NCALD: variants seen among roughly 807,000 people sequenced by gnomAD.
The protein encoded by NCALD is neurocalcin-delta.
Under a neutral mutation model 18.6 loss-of-function variants are expected in NCALD, and 10 were observed. The ratio of observed to expected loss-of-function variants is 0.54; its 90% CI spans 0.33 to 0.91. NCALD has a LOEUF of 0.91. Ranked by LOEUF, NCALD falls within the 40% of genes least tolerant of loss-of-function variation. NCALD has a pLI of 0.03. For missense variants in NCALD, 184 were observed against 247.6 expected, an observed-to-expected ratio of 0.74 and a Z score of 1.72; for synonymous variants, 88 against 87.4, an observed-to-expected ratio of 1.01 and a Z score of -0.04.
chr8:101,778,282 A>G (rs1233735894), intron 1 of NCALD, among the ~76,000 whole-genome samples: 1 of 152,154 alleles, frequency 6.6e-6, no homozygotes, highest in Non-Finnish European at 1.5e-5. Context: ...AGTCACCTCT[A>G]CTAGTCAGCA....
In NCALD at chr8:101,988,825, A is replaced by G. The variant is rs1199995747; in HGVS notation, c.-157+31412T>C. The stretch of plus-strand genomic sequence containing the variant: ...CTATTTCCCCAGAGAGGTTCTGTAC[A>G]GCAAGAAGAGCCCTGTGGGTTGCAT... On this transcript the variant is annotated intron_variant, in intron 2 of 6. Coordinates refer to the NCALD transcript ENST00000311028. Among the ~76,000 whole-genome samples, 3 of 150,244 alleles carry G rather than the reference A, an allele frequency of 2.0e-5. No individual in the cohort carries two copies. The East Asian group carries it at 6.0e-4, about 30-fold the overall frequency.
At chr8:101,746,839 C>T (rs1227488692) in intron 1 of NCALD, among the ~76,000 whole-genome samples, 1 of 151,962 alleles carries the variant, frequency 6.6e-6, no homozygotes, top group Non-Finnish European at 1.5e-5. Context: ...GTTCATTTCT[C>T]ACTTGGATCT....
At chr8:101,879,615 C>A (rs562164296) in intron 4 of NCALD, among the ~76,000 whole-genome samples, 1 of 152,180 alleles carries the variant, frequency 6.6e-6, no homozygotes, top group East Asian at 1.9e-4. Context: ...TGCTTTTATT[C>A]CCTTACCTGG....
At chr8:102,093,080 C>T (rs931567819) in intron 1 of NCALD, among the ~76,000 whole-genome samples, 1 of 151,964 alleles carries the variant, frequency 6.6e-6, no homozygotes, top group Admixed American at 6.6e-5. Context: ...ATCACCTGAG[C>T]CCAGTGAGGT....
chr8:101,907,249 C>A (rs1817640646), intron 3 of NCALD, among the ~76,000 whole-genome samples: 2 of 152,184 alleles, frequency 1.3e-5, no homozygotes, highest in African/African-American at 4.8e-5. Flanking sequence ...AACATCTATG[C>A]CCATTATGGA....
chr8:101,882,977 A>G (rs1428868006), intron 4 of NCALD, among the ~76,000 whole-genome samples: 1 of 152,250 alleles, frequency 6.6e-6, no homozygotes, highest in Non-Finnish European at 1.5e-5. Flanking sequence ...CTCCTTAAAT[A>G]TGTACATTGA....
chr8:101,923,319 T>C (rs1421934250), intron 2 of NCALD, among the ~76,000 whole-genome samples: 1 of 152,192 alleles, frequency 6.6e-6, no homozygotes, highest in African/African-American at 2.4e-5. Context: ...CAACTACAAA[T>C]TTATCTTGCT....
At chr8:101,820,503 G>T (rs1383283314) in intron 4 of NCALD, among the ~76,000 whole-genome samples, 2 of 152,148 alleles carry the variant, frequency 1.3e-5, no homozygotes, top group Admixed American at 1.3e-4. Flanking sequence ...GTTATGATTT[G>T]AATTTAGAGA....
chr8:101,927,207 T>C (rs995446467), intron 2 of NCALD, among the ~76,000 whole-genome samples: 1 of 152,206 alleles, frequency 6.6e-6, no homozygotes, highest in Non-Finnish European at 1.5e-5. Context: ...TATTATTCAT[T>C]CATTATCAGT....
In NCALD at chr8:101,935,565, C is replaced by T. The variant is rs143582554; in HGVS notation, c.-156-19707G>A. 1.7e-4 allele frequency among the ~76,000 whole-genome samples: 26 copies of T among 152,118 alleles called. 1 individual carries two copies. The South Asian group carries it at 4.2e-3, about 24-fold the overall frequency. ...TGTCCAAAGCTGTTGAAAAGTTCAG[C>T]AGGATGAGATCTAAGAACTGATCAT... On this transcript the variant is annotated intron_variant, in intron 2 of 6. Coordinates refer to the NCALD transcript ENST00000311028.
chr8:101,864,852 T>C (rs1815703129), intron 4 of NCALD, among the ~76,000 whole-genome samples: 1 of 152,178 alleles, frequency 6.6e-6, no homozygotes, highest in Non-Finnish European at 1.5e-5. Flanking sequence ...CATCTCAGCC[T>C]CCCAAAGTGC....
intron 4 of NCALD, among the ~76,000 whole-genome samples, chr8:101,865,142 T>G (rs1409232866): frequency 6.6e-6 from 1 of 152,222 alleles, no homozygotes; most frequent in Non-Finnish European, 1.5e-5. Flanking sequence ...ATAAATATTC[T>G]ACATCCAGAA....
At chr8:101,872,738 C>T (rs1210745290) in intron 4 of NCALD, among the ~76,000 whole-genome samples, 1 of 152,186 alleles carries the variant, frequency 6.6e-6, no homozygotes, top group Non-Finnish European at 1.5e-5. Context: ...AGTCTACACT[C>T]ATTTCTAACT....
intron 4 of NCALD, among the ~76,000 whole-genome samples, chr8:101,830,581 C>T (rs1218218629): frequency 6.6e-6 from 1 of 151,712 alleles, no homozygotes; most frequent in Admixed American, 6.6e-5. Flanking sequence ...GTTTTGGCCA[C>T]TTATTAGCTC....
intron 4 of NCALD, among the ~76,000 whole-genome samples, chr8:101,870,897 A>AC (rs59654249): frequency 0.064 from 1,606 of 24,914 alleles, 39 homozygotes; most frequent in African/African-American, 0.1. Context: ...CACCGCCCCC[A>AC]CCCCCCCCCC....
At chr8:101,933,711 C>T (rs1586780867) in intron 2 of NCALD, among the ~76,000 whole-genome samples, 1 of 152,246 alleles carries the variant, frequency 6.6e-6, no homozygotes. Flanking sequence ...CAGTCCTCAT[C>T]GATCCTAAAG....
At chr8:101,835,811 CA>C (rs957035971) in intron 4 of NCALD, among the ~76,000 whole-genome samples, 2 of 152,088 alleles carry the variant, frequency 1.3e-5, no homozygotes, top group African/African-American at 4.8e-5. Context: ...AACAAATCTA[CA>C]CCACCAAGGG....
intron 2 of NCALD, among the ~76,000 whole-genome samples, chr8:102,007,293 C>A (rs1821748664): frequency 6.6e-6 from 1 of 152,192 alleles, no homozygotes; most frequent in Non-Finnish European, 1.5e-5. Flanking sequence ...AATACAGGAA[C>A]TCTTTGTACT....
chr8:102,033,721 T>G (rs1822762147), intron 1 of NCALD, among the ~76,000 whole-genome samples: 1 of 152,168 alleles, frequency 6.6e-6, no homozygotes, highest in Non-Finnish European at 1.5e-5. Flanking sequence ...TTAAGAAAGA[T>G]GTCTGTAATC....
Sources: allele counts gnomAD v4.1 joint callset (sites outside exome capture counted in the v4.1 genomes callset), GRCh38; gene constraint gnomAD v4.1.1; transcripts MANE v1.5; gene names NCBI Gene and HGNC (gene_info 2026-07-23, HGNC 2026-07-21).